The following DAB2IP variants were observed in gnomAD, a reference collection of about 807,000 sequenced individuals.
The protein encoded by DAB2IP is disabled homolog 2-interacting protein.
In DAB2IP, 28 loss-of-function variants were observed where a neutral mutation model predicts 107.2. The observed-to-expected ratio is 0.26, with a 90% CI of 0.19 to 0.36. The LOEUF is 0.36. Ranked by LOEUF, DAB2IP falls within the 10% of genes least tolerant of loss-of-function variation. DAB2IP has a pLI of 1.00. For missense variants in DAB2IP, 1,400 were observed against 1,644.7 expected (o/e 0.85, Z 2.57); for synonymous variants, 755 against 706.4 (o/e 1.07, Z -1.09).
chr9:121,703,336 G>A (rs1455912189), intron 3 of DAB2IP, among the ~76,000 whole-genome samples: 1 of 152,210 alleles, frequency 6.6e-6, no homozygotes, highest in Non-Finnish European at 1.5e-5. Context: ...GGGCACCCAA[G>A]TCTGGTGTTT....
intron 2 of DAB2IP, among the ~76,000 whole-genome samples, chr9:121,679,077 T>C (rs1290544266): frequency 3.3e-4 from 50 of 152,184 alleles, no homozygotes; most frequent in Non-Finnish European, 5.9e-5. Context: ...GAAGAGGCTC[T>C]TGTTAGTTTA....
At chr9:121,570,049 G>A (rs935526268) in intron 1 of DAB2IP, among the ~76,000 whole-genome samples, 6 of 150,250 alleles carry the variant, frequency 4.0e-5, no homozygotes, top group Non-Finnish European at 8.9e-5. Context: ...AATGCCTCAG[G>A]GTCCCAAGTG....
At chr9:121,741,289 G>C (rs1240780918) in intron 3 of DAB2IP, among the ~76,000 whole-genome samples, 1 of 152,082 alleles carries the variant, frequency 6.6e-6, no homozygotes, top group African/African-American at 2.4e-5. Context: ...CCCTATGGCT[G>C]ATGCAGAACT....
intron 1 of DAB2IP, among the ~76,000 whole-genome samples, chr9:121,664,546 G>T (rs944726392): frequency 2.0e-5 from 3 of 152,146 alleles, no homozygotes; most frequent in African/African-American, 7.2e-5. Flanking sequence ...TCTTTATTTA[G>T]ATCCTTAATG....
chr9:121,723,643 G>A (rs567465968), intron 3 of DAB2IP, among the ~76,000 whole-genome samples: 47 of 152,202 alleles, frequency 3.1e-4, no homozygotes, highest in Non-Finnish European at 5.6e-4. Flanking sequence ...GAACTGGATG[G>A]GAAAGAACTG....
chr9:121,609,006 A>G (rs777318741), intron 1 of DAB2IP, among the ~76,000 whole-genome samples: 2 of 152,172 alleles, frequency 1.3e-5, no homozygotes, highest in Non-Finnish European at 2.9e-5. Context: ...CAGTGGCGCA[A>G]TCTCGGCTCA....
chr9:121,571,767 C>T (rs1443331709), intron 1 of DAB2IP, among the ~76,000 whole-genome samples: 3 of 151,998 alleles, frequency 2.0e-5, no homozygotes, highest in Admixed American at 2.0e-4. Context: ...TGAGCAGAGC[C>T]CTATTGGGTG....
intron 2 of DAB2IP, among the ~76,000 whole-genome samples, chr9:121,679,787 G>A (rs1828486796): frequency 6.6e-6 from 1 of 152,110 alleles, no homozygotes; most frequent in Non-Finnish European, 1.5e-5. Flanking sequence ...GGTTGGGAGG[G>A]GGTCCCACGG....
At chr9:121,785,306 G>A (rs1046050322) in exon 16 of DAB2IP, 1 of 152,568 alleles carries the variant, frequency 6.6e-6, no homozygotes, top group Non-Finnish European at 1.5e-5. Context: ...CAGCCACAAA[G>A]CCCCCCAGCT....
At chr9:121,734,347 G>T (rs1025017719) in intron 3 of DAB2IP, among the ~76,000 whole-genome samples, 4 of 139,098 alleles carry the variant, frequency 2.9e-5, no homozygotes, top group African/African-American at 1.3e-4. Flanking sequence ...ATTGCAGTCC[G>T]CAGTCCGGCC....
chr9:121,651,765 C>G lies in DAB2IP; in HGVS notation c.-11C>G. 3.7e-6 allele frequency: 5 copies of G among 1,345,076 alleles called. No homozygotes were observed. Among genetic ancestry groups the G allele is most frequent in the Non-Finnish European group, 4.8e-6 (5 of 1,043,304 alleles). The allele number at this position is 1,345,076 out of a possible 1,614,324, so 83.3% of individuals were successfully genotyped here. Reference sequence around the variant, plus strand: ...CGCCCAGGCCCGGCCCGGTGCCCGGCGGGCGGCAGCATGTCCGCGGGCGGC... The same window carrying G: ...CGCCCAGGCCCGGCCCGGTGCCCGGGGGGCGGCAGCATGTCCGCGGGCGGC... On this transcript the variant is annotated 5_prime_UTR_variant, in exon 1 of 16. Transcript: ENST00000408936. The surrounding 1 kb of genome is among the most constrained non-coding windows in gnomAD (Gnocchi z 5.1).
intron 1 of DAB2IP, among the ~76,000 whole-genome samples, chr9:121,659,229 T>A (rs189054905): frequency 1.3e-5 from 2 of 152,236 alleles, no homozygotes; most frequent in African/African-American, 4.8e-5. Flanking sequence ...GCATGGAGAT[T>A]TGTGGACTTT....
chr9:121,641,999 C>G (rs1318235240), intron 1 of DAB2IP, among the ~76,000 whole-genome samples: 1 of 15,650 alleles, frequency 6.4e-5, no homozygotes, highest in Non-Finnish European at 1.0e-4. Flanking sequence ...TTTCCTTTCT[C>G]TCTCTCTCTC....
chr9:121,738,684 C>T (rs528434919), intron 3 of DAB2IP, among the ~76,000 whole-genome samples: 2 of 152,340 alleles, frequency 1.3e-5, no homozygotes, highest in East Asian at 3.9e-4. Context: ...CACCTGAGGT[C>T]CCCAGGGTTA....
chr9:121,653,222 TAA>T (rs1832828988), intron 1 of DAB2IP, among the ~76,000 whole-genome samples: 1 of 121,050 alleles, frequency 8.3e-6, no homozygotes, highest in Admixed American at 8.0e-5. Flanking sequence ...GAGGGAGTAC[TAA>T]GCCTTTAGTA....
intron 3 of DAB2IP, among the ~76,000 whole-genome samples, chr9:121,720,576 G>A (rs1830870431): frequency 6.6e-6 from 1 of 152,152 alleles, no homozygotes; most frequent in Non-Finnish European, 1.5e-5. Context: ...CCAGGGAGGG[G>A]CAGAACCAGC....
At chr9:121,583,279 A>G (rs1183039711) in intron 1 of DAB2IP, among the ~76,000 whole-genome samples, 2 of 152,230 alleles carry the variant, frequency 1.3e-5, no homozygotes, top group East Asian at 3.9e-4. Context: ...GTGTCCCAGC[A>G]ACTTGGGAGG....
intron 1 of DAB2IP, among the ~76,000 whole-genome samples, chr9:121,577,349 C>A (rs905834254): frequency 6.6e-6 from 1 of 152,184 alleles, no homozygotes. Flanking sequence ...ATGGCCGGAT[C>A]GCCAGCACCC....
At chr9:121,734,048 T>C (rs1332584261) in intron 3 of DAB2IP, among the ~76,000 whole-genome samples, 2 of 152,246 alleles carry the variant, frequency 1.3e-5, no homozygotes, top group Admixed American at 1.3e-4. Context: ...TGGCCAAGAA[T>C]GGTCACTGTG....
Sources: gnomAD v4.1 joint callset for allele counts (sites outside exome capture counted in the v4.1 genomes callset) on GRCh38, gnomAD v4.1.1 for gene constraint, Gnocchi (gnomAD v3.1) non-coding constraint, MANE v1.5 for transcripts, NCBI Gene and HGNC (gene_info 2026-07-23, HGNC 2026-07-21) for gene names.